The following GNL1 variants were observed in gnomAD, a reference collection of about 807,000 sequenced individuals.
GNL1 encodes guanine nucleotide-binding protein-like 1.
In GNL1, 21 loss-of-function variants were observed where a neutral mutation model predicts 75.2. That is an observed-to-expected ratio of 0.28 (90% CI 0.20 to 0.40). The LOEUF (loss-of-function observed/expected upper bound fraction) is 0.40. Ranked by LOEUF, GNL1 falls within the 10% of genes least tolerant of loss-of-function variation. The pLI, the probability that GNL1 is intolerant of heterozygous loss-of-function variation, is 1.00. For missense variants in GNL1, 579 were observed against 775.0 expected, an observed-to-expected ratio of 0.75 and a Z score of 3.00; for synonymous variants, 287 against 303.4, an observed-to-expected ratio of 0.95 and a Z score of 0.56.
In GNL1 at chr6:30,552,329, C is replaced by G; in HGVS notation, c.1099+138G>C. On this transcript the variant is annotated intron_variant, in intron 8 of 11. Transcript: ENST00000376621. The surrounding 1 kb of genome is among the most constrained non-coding windows in gnomAD (Gnocchi z 4.5). ...CCACTGCAGCAGACGCCTCTTCTGC[C>G]TTGCCCACCGCCACTGGCAGAGATC... 1.5e-6 allele frequency: 1 copy of G among 654,658 alleles called. No homozygotes were observed. The highest frequency in any genetic ancestry group is 2.6e-6 in the Non-Finnish European group (1 of 380,506). The allele number at this position is 654,658 out of a possible 1,614,324, so 40.6% of individuals were successfully genotyped here. A position where few individuals can be genotyped will look rare whatever the true frequency, so the allele number is the denominator to read the frequency against.
rs764256506 is a variant in GNL1 at position 30,547,483 on chromosome 6, G to A, written c.1147C>T (p.Arg383Trp). 1.2e-5 allele frequency: 19 copies of A among 1,612,098 alleles called. No individual in the cohort carries two copies. Among genetic ancestry groups the A allele is most frequent in the South Asian group, 4.4e-5 (4 of 90,816 alleles). ...KSSLINGLVG[R>W]KVVSVSRTPG... The stretch of plus-strand genomic sequence containing the variant: ...GTTCTGGAGACACTCACGACTTTCC[G>A]CCCCACCAGCCCATTGATCAGCGAG... The change falls in exon 9 of 12, where the codon CGG becomes TGG. Residue 383 changes from arginine to tryptophan, a missense_variant. Physicochemically the swap from Arg to Trp is moderately radical, Grantham distance 101. Transcript: ENST00000376621. The surrounding 1 kb of genome is among the most constrained non-coding windows in gnomAD (Gnocchi z 5.5).
At position 30,555,242 on chromosome 6, in the gene GNL1, C is replaced by T; in HGVS notation, c.240-51G>A. On this transcript the variant is annotated intron_variant, in intron 2 of 11. Transcript: ENST00000376621. This position sits in a 1 kb window ranked among gnomAD's most constrained non-coding sequence, Gnocchi z 4.3. The stretch of plus-strand genomic sequence containing the variant: ...CAGAGCAATCCTGTGGCCACAAACT[C>T]CTATTTTCTCCCCTCTTGTACAATC... 2 of 1,607,130 alleles carry T rather than the reference C, an allele frequency of 1.2e-6. No homozygotes were observed. Among genetic ancestry groups the T allele is most frequent in the Non-Finnish European group, 1.7e-6 (2 of 1,175,060 alleles).
Position 30,552,706 on chromosome 6 carries a change from C to A in GNL1, c.905-45G>T. 6.4e-7 allele frequency: 1 copy of A among 1,554,166 alleles called. No homozygotes were observed. The highest frequency in any genetic ancestry group is 1.2e-5 in the South Asian group (1 of 85,268). ...ATTAAAGAGGTTCTCCCCAGGGCTG[C>A]TGTGCATGATGGCACATACTGTGCC... On this transcript the variant is annotated intron_variant, in intron 7 of 11. Transcript: ENST00000376621. The surrounding 1 kb of genome is among the most constrained non-coding windows in gnomAD (Gnocchi z 4.5).
rs934761745 is a variant in GNL1, at chr6:30,555,300, A to G, written c.240-109T>C. On this transcript the variant is annotated intron_variant, in intron 2 of 11. Coordinates refer to ENST00000376621, the MANE Select transcript of GNL1 (RefSeq NM_005275.5). The surrounding 1 kb of genome is among the most constrained non-coding windows in gnomAD (Gnocchi z 4.3). ...CAAACCATTCTCTCCAGAGTCGTTC[A>G]AGTCTCCTCTCTCAAGTCAGACTTC... 1.5e-6 allele frequency: 2 copies of G among 1,357,584 alleles called. No individual in the cohort carries two copies. Among genetic ancestry groups the G allele is most frequent in the African/African-American group, 2.9e-5 (2 of 69,384 alleles). 84.1% of individuals were successfully genotyped at this position (1,357,584 alleles called of 1,614,324 possible).
At chr6:30,554,684 A>C in intron 4 of GNL1, 38 bp from the exon 5 acceptor site, 1 of 1,590,970 alleles carries the variant, frequency 6.3e-7, no homozygotes, top group Non-Finnish European at 8.6e-7. Context: ...CTGAAAACAG[A>C]GTCCCTCTCC....
chr6:30,542,029 G>C lies in GNL1; in HGVS notation c.*4043C>G, dbSNP rs1473300181. 6.6e-6 allele frequency: 1 copy of C among 152,140 alleles called. No individual in the cohort carries two copies. Among genetic ancestry groups the C allele is most frequent in the Non-Finnish European group, 1.5e-5 (1 of 68,024 alleles). 9.4% of individuals were successfully genotyped at this position (152,140 alleles called of 1,614,324 possible). A position where few individuals can be genotyped will look rare whatever the true frequency, so the allele number is the denominator to read the frequency against. On this transcript the variant is annotated 3_prime_UTR_variant, in exon 12 of 12. Coordinates refer to ENST00000376621, the MANE Select transcript of GNL1 (RefSeq NM_005275.5). This position sits in a 1 kb window ranked among gnomAD's most constrained non-coding sequence, Gnocchi z 4.5. ...TGTTAACACACTCCAAACTAAAAAA[G>C]TTCCTCAACTGCATATACTCTGCTC...
At chr6:30,549,909 T>C (rs2516639) in intron 8 of GNL1, among the ~76,000 whole-genome samples, 104,327 of 150,332 alleles carry the variant, frequency 0.69, 36,387 homozygotes, top group African/African-American at 0.77. Context: ...CCGTAACCTC[T>C]GCCTCCAGGA....
In GNL1 at chr6:30,555,003, T is replaced by C. The variant is rs1337990733; in HGVS notation, c.376+52A>G. On this transcript the variant is annotated intron_variant, in intron 3 of 11. Transcript: ENST00000376621. This position sits in a 1 kb window ranked among gnomAD's most constrained non-coding sequence, Gnocchi z 4.3. ...ACCCCTCCTTCCTCACAGTCGGCTTTTACCTTTCCAAACTCCTTCCCCAGC... is the reference window on the plus strand; with the variant it reads ...ACCCCTCCTTCCTCACAGTCGGCTTCTACCTTTCCAAACTCCTTCCCCAGC... 3 of 1,611,920 alleles carry C rather than the reference T, an allele frequency of 1.9e-6. No homozygotes were observed. Among genetic ancestry groups the C allele is most frequent in the East Asian group, 2.2e-5 (1 of 44,872 alleles).
Position 30,546,318 on chromosome 6 carries a change from G to T in GNL1, c.1583-5C>A. ...CTGGATGGGACTCCCAGGTGCCTGG[G>T]GAACCAAAACAAGAAAAAAATGGAG... On this transcript the variant is annotated splice_region_variant and splice_polypyrimidine_tract_variant and intron_variant, in intron 11 of 11. Transcript: ENST00000376621. The surrounding 1 kb of genome is among the most constrained non-coding windows in gnomAD (Gnocchi z 5.1). The T allele has an allele frequency of 6.3e-7, 1 of 1,585,754 alleles. No individual in the cohort carries two copies. The highest frequency in any genetic ancestry group is 8.6e-7 in the Non-Finnish European group (1 of 1,165,584).
In GNL1 at chr6:30,546,674, G is replaced by A. The variant is rs1171664143; in HGVS notation, c.1582+22C>T. On this transcript the variant is annotated intron_variant, in intron 11 of 11. Coordinates refer to ENST00000376621, the MANE Select transcript of GNL1 (RefSeq NM_005275.5). This position sits in a 1 kb window ranked among gnomAD's most constrained non-coding sequence, Gnocchi z 5.1. ...TACCTACGCTATAGCAGGGGGCTGG[G>A]GAAGAATATCTGGGCTCTGACCTTT... 4 of 1,581,646 alleles carry A rather than the reference G, an allele frequency of 2.5e-6. No individual in the cohort carries two copies. In the East Asian group the frequency reaches 6.8e-5, roughly 27 times the overall value.
In GNL1 at chr6:30,545,334, T is replaced by C. The variant is rs1799386972; in HGVS notation, c.*738A>G. 1 of 152,248 alleles carries C rather than the reference T, an allele frequency of 6.6e-6. No individual in the cohort carries two copies. The highest frequency in any genetic ancestry group is 6.5e-5 in the Admixed American group (1 of 15,276). The allele number at this position is 152,248 out of a possible 1,614,324, so 9.4% of individuals were successfully genotyped here. A position where few individuals can be genotyped will look rare whatever the true frequency, so the allele number is the denominator to read the frequency against. On this transcript the variant is annotated 3_prime_UTR_variant, in exon 12 of 12. Coordinates refer to ENST00000376621, the MANE Select transcript of GNL1 (RefSeq NM_005275.5). The stretch of plus-strand genomic sequence containing the variant: ...ATTTAATCAACATTTTCACAAGCGT[T>C]TTGCCTTAACTAAAAATTTGTATCA...
chr6:30,554,464 T>G (rs1295400340), intron 5 of GNL1, 111 bp downstream of exon 5: 4 of 760,458 alleles, frequency 5.3e-6, no homozygotes, highest in African/African-American at 5.1e-5. Flanking sequence ...AGGTAGAGAT[T>G]AGAAAGACAG....
intron 8 of GNL1, among the ~76,000 whole-genome samples, chr6:30,550,731 C>G (rs1799724843): frequency 6.6e-6 from 1 of 152,196 alleles, no homozygotes; most frequent in Non-Finnish European, 1.5e-5. Context: ...CCTCAGGGCT[C>G]TACATGATGT....
chr6:30,555,738 T>C lies in GNL1; in HGVS notation c.74-18A>G. The C allele has an allele frequency of 6.2e-7, 1 of 1,612,102 alleles. No individual in the cohort carries two copies. The highest frequency in any genetic ancestry group is 8.5e-7 in the Non-Finnish European group (1 of 1,179,216). On this transcript the variant is annotated intron_variant, in intron 1 of 11. Coordinates refer to ENST00000376621, the MANE Select transcript of GNL1 (RefSeq NM_005275.5). The surrounding 1 kb of genome is among the most constrained non-coding windows in gnomAD (Gnocchi z 4.3). ...TTGAAGCCCTGCGGGGAGGGGCCGG[T>C]GACGCCAGTGCTGGCCAGCTCTCAG...
In GNL1 at chr6:30,552,698, C is replaced by G; in HGVS notation, c.905-37G>C. On this transcript the variant is annotated intron_variant, in intron 7 of 11. Transcript: ENST00000376621. The surrounding 1 kb of genome is among the most constrained non-coding windows in gnomAD (Gnocchi z 4.5). ...AGGAGAAGATTAAAGAGGTTCTCCC[C>G]AGGGCTGCTGTGCATGATGGCACAT... 6.3e-7 allele frequency: 1 copy of G among 1,577,242 alleles called. No individual in the cohort carries two copies. The highest frequency in any genetic ancestry group is 1.7e-4 in the Middle Eastern group (1 of 5,920).
In GNL1 at chr6:30,546,089, C is replaced by T; in HGVS notation, c.1807G>A (p.Gly603Ser). Residue 603 changes from glycine to serine, a missense_variant, in exon 12 of 12, where the codon GGT (glycine) becomes AGT (serine). Transcript: ENST00000376621. This position sits in a 1 kb window ranked among gnomAD's most constrained non-coding sequence, Gnocchi z 5.1. ...CGAGGAACTCAGCACTCATCCTCAC[C>T]CAGCAGGGCATAAGGGTTTCGGCCA... is the stretch of plus-strand genomic sequence containing the variant. ...LAGRNPYALL[G>S]EDEC 1 of 1,589,608 alleles carries T rather than the reference C, an allele frequency of 6.3e-7. No individual in the cohort carries two copies. The highest frequency in any genetic ancestry group is 8.6e-7 in the Non-Finnish European group (1 of 1,168,598).
Position 30,552,525 on chromosome 6 carries a change from C to T in GNL1, c.1041G>A (p.Glu347=), listed in dbSNP as rs1799852909. The T allele has an allele frequency of 1.9e-6, 3 of 1,614,140 alleles. No individual in the cohort carries two copies. Among genetic ancestry groups the T allele is most frequent in the Admixed American group, 1.7e-5 (1 of 60,028 alleles). ...LVEQQTDSAM[E]PTGPTQERYK... ...AGCGCTCTTGGGTTGGGCCAGTTGG[C>T]TCCATTGCTGAATCAGTCTGCTGCT... The change falls in exon 8 of 12, where the codon GAG becomes GAA. Residue 347 remains glutamate, a synonymous_variant. Transcript: ENST00000376621. This position sits in a 1 kb window ranked among gnomAD's most constrained non-coding sequence, Gnocchi z 4.5.
chr6:30,546,661 A>T lies in GNL1; in HGVS notation c.1582+35T>A. The T allele has an allele frequency of 6.4e-7, 1 of 1,560,744 alleles. No homozygotes were observed. The highest frequency in any genetic ancestry group is 8.8e-7 in the Non-Finnish European group (1 of 1,141,536). On this transcript the variant is annotated intron_variant, in intron 11 of 11. Transcript: ENST00000376621. The surrounding 1 kb of genome is among the most constrained non-coding windows in gnomAD (Gnocchi z 5.1). Reference sequence around the variant, plus strand: ...GCCCACACCCTTTTACCTACGCTATAGCAGGGGGCTGGGGAAGAATATCTG... The same window carrying T: ...GCCCACACCCTTTTACCTACGCTATTGCAGGGGGCTGGGGAAGAATATCTG...
At chr6:30,554,692 T>C in intron 4 of GNL1, 46 bp from the exon 5 acceptor site, 3 of 1,591,628 alleles carry the variant, frequency 1.9e-6, no homozygotes, top group Non-Finnish European at 2.6e-6. Context: ...AGAGTCCCTC[T>C]CCAGCCTGAT....
Sources: gnomAD v4.1 joint callset for allele counts (sites outside exome capture counted in the v4.1 genomes callset) on GRCh38, gnomAD v4.1.1 for gene constraint, Gnocchi (gnomAD v3.1) non-coding constraint, MANE v1.5 for transcripts, NCBI Gene and HGNC (gene_info 2026-07-23, HGNC 2026-07-21) for gene names.